The following PLPPR1 variants were observed in gnomAD, a reference collection of about 807,000 sequenced individuals.
PLPPR1 encodes phospholipid phosphatase related 1, also known as phospholipid phosphatase-related protein type 1.
Under a neutral mutation model 33.1 loss-of-function variants are expected in PLPPR1, and 10 were observed. The ratio of observed to expected loss-of-function variants is 0.30; its 90% confidence interval spans 0.19 to 0.51. The LOEUF is 0.51. Ranked by LOEUF, PLPPR1 falls within the 20% of genes least tolerant of loss-of-function variation. PLPPR1 has a pLI of 0.97. For synonymous variants in PLPPR1, 151 were observed against 151.0 expected (o/e 1.00, Z 0.00); for missense variants, 304 against 408.1 (o/e 0.74, Z 2.20).
intron 1 of PLPPR1, among the ~76,000 whole-genome samples, chr9:101,174,044 T>C (rs1825984587): frequency 6.6e-6 from 1 of 152,112 alleles, no homozygotes. Flanking sequence ...TAGTTCCAGC[T>C]ACTCAAGAGG....
chr9:101,153,468 G>A (rs1255514532), intron 1 of PLPPR1, among the ~76,000 whole-genome samples: 4 of 152,102 alleles, frequency 2.6e-5, no homozygotes, highest in African/African-American at 9.7e-5. Flanking sequence ...CCTGTCTTGT[G>A]CCAGTTTTCA....
In PLPPR1 at chr9:101,263,116, G is replaced by A. The variant is rs563956632; in HGVS notation, c.64-6764G>A. Among the ~76,000 whole-genome samples, 16 of 151,706 alleles carry A rather than the reference G, an allele frequency of 1.1e-4. 1 individual carries two copies. The South Asian group carries it at 3.3e-3, about 32-fold the overall frequency. ...CATGTATACCTATGTAACAAACCCG[G>A]ACATTCTGCACATGTATCCCAGAAC... On this transcript the variant is annotated intron_variant, in intron 2 of 7. Coordinates refer to ENST00000374874, the MANE Select transcript of PLPPR1 (RefSeq NM_207299.2).
intron 1 of PLPPR1, among the ~76,000 whole-genome samples, chr9:101,051,181 A>G (rs547152720): frequency 3.9e-5 from 6 of 152,152 alleles, no homozygotes; most frequent in Non-Finnish European, 7.4e-5. Flanking sequence ...TCAGTTAAGG[A>G]TGTAATTATT....
intron 1 of PLPPR1, among the ~76,000 whole-genome samples, chr9:101,108,949 T>G (rs1221282958): frequency 6.9e-6 from 1 of 144,804 alleles, no homozygotes. Context: ...AGCTCTTTTT[T>G]GTCTTCAATA....
At chr9:101,171,347 A>G (rs1001452660) in intron 1 of PLPPR1, among the ~76,000 whole-genome samples, 2 of 152,142 alleles carry the variant, frequency 1.3e-5, no homozygotes, top group East Asian at 3.9e-4. Context: ...CTTAAGAAAA[A>G]TGTGGGGGCC....
At chr9:101,167,553 C>T (rs1350225398) in intron 1 of PLPPR1, among the ~76,000 whole-genome samples, 1 of 151,928 alleles carries the variant, frequency 6.6e-6, no homozygotes, top group Non-Finnish European at 1.5e-5. Flanking sequence ...ATTAATGATC[C>T]TCATCTCTTG....
At chr9:101,137,670 C>T (rs1227607215) in intron 1 of PLPPR1, among the ~76,000 whole-genome samples, 1 of 152,128 alleles carries the variant, frequency 6.6e-6, no homozygotes, top group Non-Finnish European at 1.5e-5. Context: ...TCAAGAATAT[C>T]CTCTAAAGAG....
chr9:101,292,162 G>A (rs147231906), intron 4 of PLPPR1, among the ~76,000 whole-genome samples: 4,351 of 152,236 alleles, frequency 0.029, 208 homozygotes, highest in African/African-American at 0.099. Flanking sequence ...CTCAGGAGCC[G>A]ACGCAATCAA....
chr9:101,092,684 T>C (rs1319274125), intron 1 of PLPPR1, among the ~76,000 whole-genome samples: 2 of 152,130 alleles, frequency 1.3e-5, no homozygotes, highest in African/African-American at 4.8e-5. Flanking sequence ...AGATCTCGGC[T>C]CAGGGCTCAC....
intron 2 of PLPPR1, among the ~76,000 whole-genome samples, chr9:101,217,646 G>A (rs914559309): frequency 1.3e-5 from 2 of 152,182 alleles, no homozygotes; most frequent in African/African-American, 4.8e-5. Flanking sequence ...ATGAATGAGT[G>A]TGGAAGTATT....
chr9:101,134,005 G>A (rs1272309836), intron 1 of PLPPR1, among the ~76,000 whole-genome samples: 1 of 152,144 alleles, frequency 6.6e-6, no homozygotes, highest in Non-Finnish European at 1.5e-5. Flanking sequence ...GGCACTTGGC[G>A]CATAGAACTG....
chr9:101,317,296 C>A, intron 6 of PLPPR1, 69 bp from the exon 7 acceptor site: 1 of 1,531,652 alleles, frequency 6.5e-7, no homozygotes, highest in Non-Finnish European at 8.9e-7. Context: ...AAAGGCCTGC[C>A]ACCCTCACAG....
chr9:101,037,896 A>G (rs2118410999), intron 1 of PLPPR1, among the ~76,000 whole-genome samples: 1 of 147,542 alleles, frequency 6.8e-6, no homozygotes, highest in East Asian at 2.0e-4. Context: ...AATATGTGAC[A>G]CAGACAGTTC....
chr9:101,046,642 A>G (rs1170484114), intron 1 of PLPPR1, among the ~76,000 whole-genome samples: 1 of 151,000 alleles, frequency 6.6e-6, no homozygotes, highest in African/African-American at 2.4e-5. Flanking sequence ...CAAAACTTTC[A>G]CCATGTTAGC....
At chr9:101,322,606 T>C (rs964327098) in intron 7 of PLPPR1, 1 of 152,138 alleles carries the variant, frequency 6.6e-6, no homozygotes, top group Admixed American at 6.5e-5. Context: ...GAAGAGCCCA[T>C]TTTACTCAAA....
chr9:101,314,376 A>T (rs1053138033), intron 6 of PLPPR1, among the ~76,000 whole-genome samples: 5 of 152,220 alleles, frequency 3.3e-5, no homozygotes, highest in African/African-American at 1.2e-4. Context: ...ACTTGTAAAA[A>T]ATCTAAGATA....
At chr9:101,080,613 A>G (rs998461374) in intron 1 of PLPPR1, among the ~76,000 whole-genome samples, 2 of 152,224 alleles carry the variant, frequency 1.3e-5, no homozygotes, top group Non-Finnish European at 2.9e-5. Context: ...TGATATCAAT[A>G]TCTTTAGAAT....
intron 2 of PLPPR1, among the ~76,000 whole-genome samples, chr9:101,195,419 C>A (rs1826377300): frequency 6.6e-6 from 1 of 152,032 alleles, no homozygotes; most frequent in Admixed American, 6.5e-5. Flanking sequence ...TAGACATATT[C>A]TATTTCATAA....
chr9:101,193,527 C>T (rs960993984), intron 2 of PLPPR1, among the ~76,000 whole-genome samples: 1 of 152,090 alleles, frequency 6.6e-6, no homozygotes, highest in Non-Finnish European at 1.5e-5. Flanking sequence ...TGCCTTTGCT[C>T]TTGTCAACAT....
Sources: gnomAD v4.1 joint callset for allele counts (sites outside exome capture counted in the v4.1 genomes callset) on GRCh38, gnomAD v4.1.1 for gene constraint, MANE v1.5 for transcripts, NCBI Gene and HGNC (gene_info 2026-07-23, HGNC 2026-07-21) for gene names.